HDAC9: variants seen among roughly 807,000 people sequenced by gnomAD.
The protein encoded by HDAC9 is histone deacetylase 9.
Under a neutral mutation model 139.4 loss-of-function variants are expected in HDAC9, and 41 were observed. That is an observed-to-expected ratio of 0.29 (90% CI 0.23 to 0.38). The LOEUF (loss-of-function observed/expected upper bound fraction) is 0.38, where lower values mean the gene tolerates loss of function less well. HDAC9 is among the 10% of genes least tolerant of loss of function. HDAC9 has a pLI of 1.00. For missense variants in HDAC9, 1,147 were observed against 1,297.0 expected (o/e 0.88, Z 1.78); for synonymous variants, 517 against 476.2 (o/e 1.09, Z -1.12).
chr7:18,980,751 TCTTCTTC>T (rs1458411491), intron 25 of HDAC9, among the ~76,000 whole-genome samples: 1,902 of 139,532 alleles, frequency 0.014, 44 homozygotes, highest in African/African-American at 0.054. Context: ...TCTTCCTTCT[TCTTCTTC>T]CTTCTTCTTC....
rs778673726 is a variant in HDAC9 at position 18,496,251 on chromosome 7, T to G, written c.-41-11T>G. ...AGACAATTTACGAGAGTGACTCCTG[T>G]TTTTCCTCAGATGGGGTGGCTGGAC... On this transcript the variant is annotated splice_polypyrimidine_tract_variant and intron_variant, in intron 1 of 25. Coordinates refer to ENST00000686413, the MANE Select transcript of HDAC9 (RefSeq NM_178425.4). 6.2e-7 allele frequency: 1 copy of G among 1,612,852 alleles called. No homozygotes were observed. The highest frequency in any genetic ancestry group is 1.7e-5 in the Admixed American group (1 of 59,872).
intron 22 of HDAC9, among the ~76,000 whole-genome samples, chr7:18,929,865 G>A (rs1804575609): frequency 6.6e-6 from 1 of 152,060 alleles, no homozygotes; most frequent in Non-Finnish European, 1.5e-5. Flanking sequence ...CTTGAACCCG[G>A]GAGGTGGAGG....
intron 2 of HDAC9, among the ~76,000 whole-genome samples, chr7:18,243,223 G>A (rs762516269): frequency 6.6e-6 from 1 of 152,156 alleles, no homozygotes; most frequent in Non-Finnish European, 1.5e-5. Context: ...AAAAATGTTC[G>A]ATGGATGTAA....
At chr7:18,284,284 A>G (rs780521750) in intron 2 of HDAC9, among the ~76,000 whole-genome samples, 7 of 152,180 alleles carry the variant, frequency 4.6e-5, no homozygotes, top group Non-Finnish European at 7.4e-5. Context: ...ATGCACACAC[A>G]TATGTATATA....
At chr7:18,618,446 A>G (rs1044861493) in intron 6 of HDAC9, among the ~76,000 whole-genome samples, 16 of 152,140 alleles carry the variant, frequency 1.1e-4, no homozygotes, top group African/African-American at 3.9e-4. Context: ...ATCAGGGGAT[A>G]GGTATTGCCT....
rs569156873 is a variant in HDAC9, at chr7:18,630,429, A to G, written c.796+948A>G. 1.9e-4 allele frequency among the ~76,000 whole-genome samples: 29 copies of G among 152,202 alleles called. No homozygotes were observed. In the South Asian group the frequency reaches 5.6e-3, roughly 29 times the overall value. The stretch of plus-strand genomic sequence containing the variant: ...TCTGTATAACTCTTTTGGCCATGAC[A>G]GTGTCTACAGGAAGGCAATATAGAG... On this transcript the variant is annotated intron_variant, in intron 7 of 25. Transcript: ENST00000686413.
chr7:18,120,542 C>T (rs1784307708), intron 1 of HDAC9, among the ~76,000 whole-genome samples: 1 of 151,578 alleles, frequency 6.6e-6, no homozygotes, highest in Non-Finnish European at 1.5e-5. Context: ...CTCGTTTCTT[C>T]ATTTTTAAGA....
At chr7:18,346,688 T>C (rs551389754) in intron 1 of HDAC9, among the ~76,000 whole-genome samples, 1 of 152,154 alleles carries the variant, frequency 6.6e-6, no homozygotes, top group Non-Finnish European at 1.5e-5. Flanking sequence ...TTTTTGCTTT[T>C]TGATAAGGTA....
At chr7:18,595,046 A>C (rs1412256550) in intron 6 of HDAC9, among the ~76,000 whole-genome samples, 1 of 152,106 alleles carries the variant, frequency 6.6e-6, no homozygotes, top group East Asian at 1.9e-4. Flanking sequence ...GTAAAAACAC[A>C]TGCCGAAGCT....
chr7:18,655,323 A>C (rs1350898106), intron 11 of HDAC9, among the ~76,000 whole-genome samples: 1 of 152,184 alleles, frequency 6.6e-6, no homozygotes, highest in East Asian at 1.9e-4. Flanking sequence ...GCAAGCATTG[A>C]AAGGCAGTCT....
At chr7:18,333,601 A>C (rs1585221989) in intron 1 of HDAC9, among the ~76,000 whole-genome samples, 1 of 151,656 alleles carries the variant, frequency 6.6e-6, no homozygotes, top group South Asian at 2.1e-4. Context: ...GGGAATAAAC[A>C]AAATGGTGCA....
chr7:18,897,060 A>AT (rs1801265130), intron 22 of HDAC9, among the ~76,000 whole-genome samples: 1 of 152,026 alleles, frequency 6.6e-6, no homozygotes, highest in Non-Finnish European at 1.5e-5. Flanking sequence ...GCATATGCTC[A>AT]TTTTTTCTAG....
At chr7:18,856,013 C>CA (rs1362739413) in intron 21 of HDAC9, among the ~76,000 whole-genome samples, 2 of 152,068 alleles carry the variant, frequency 1.3e-5, no homozygotes, top group Admixed American at 1.3e-4. Flanking sequence ...CAGCACAGAC[C>CA]ACATTAGCGA....
At position 18,835,572 on chromosome 7, in the gene HDAC9, G is replaced by A; in HGVS notation, c.2572G>A (p.Gly858Arg). ...TGAAGGGAACTTTTTCCCTGGCAGTGGAGCCCCAAATGAGGTTCGGTTTAT... is the reference window on the plus strand; with the variant it reads ...TGAAGGGAACTTTTTCCCTGGCAGTAGAGCCCCAAATGAGGTTCGGTTTAT... ...YDEGNFFPGS[G>R]APNEVGTGLG... Residue 858 changes from glycine to arginine, a missense_variant, in exon 20 of 26, where the codon GGA (glycine) becomes AGA (arginine). Around this residue, in one of 7 missense-constraint regions of HDAC9, gnomAD observed 407 missense variants for 521.5 expected, o/e 0.78. Transcript: ENST00000686413. 2 of 1,613,724 alleles carry A rather than the reference G, an allele frequency of 1.2e-6. No individual in the cohort carries two copies. Among genetic ancestry groups the A allele is most frequent in the Non-Finnish European group, 1.7e-6 (2 of 1,179,682 alleles).
chr7:18,418,424 CA>C (rs59702600), intron 1 of HDAC9, among the ~76,000 whole-genome samples: 6,109 of 76,912 alleles, frequency 0.079, 153 homozygotes, highest in African/African-American at 0.13. Context: ...GTATACAAAC[CA>C]AAAAAAAAAA....
chr7:18,218,999 G>A (rs1266726020), intron 2 of HDAC9, among the ~76,000 whole-genome samples: 1 of 152,024 alleles, frequency 6.6e-6, no homozygotes, highest in Non-Finnish European at 1.5e-5. Flanking sequence ...GCAGAAATTT[G>A]TACCCAAATT....
intron 1 of HDAC9, among the ~76,000 whole-genome samples, chr7:18,474,255 T>A (rs940561498): frequency 1.3e-5 from 2 of 152,236 alleles, no homozygotes; most frequent in Admixed American, 6.6e-5. Flanking sequence ...ATGGAGTTCT[T>A]AGTACTATTC....
chr7:18,095,266 G>A (rs2128063374), intron 1 of HDAC9, among the ~76,000 whole-genome samples: 1 of 152,144 alleles, frequency 6.6e-6, no homozygotes, highest in South Asian at 2.1e-4. Flanking sequence ...AATTCCTACT[G>A]TAGTTTAGGG....
intron 12 of HDAC9, among the ~76,000 whole-genome samples, chr7:18,684,319 GACA>G (rs147120663): frequency 0.086 from 12,908 of 150,384 alleles, 604 homozygotes; most frequent in East Asian, 0.16. Flanking sequence ...CCATTTTACT[GACA>G]ACAAAAACTT....
Sources: gnomAD v4.1 joint callset for allele counts (sites outside exome capture counted in the v4.1 genomes callset) on GRCh38, gnomAD v4.1.1 for gene constraint, gnomAD v4.1.1 regional missense constraint, MANE v1.5 for transcripts, NCBI Gene and HGNC (gene_info 2026-07-23, HGNC 2026-07-21) for gene names.